ST3GAL5: variants seen among roughly 807,000 people sequenced by gnomAD.
ST3GAL5 encodes ST3 beta-galactoside alpha-2,3-sialyltransferase 5, also known as lactosylceramide alpha-2,3-sialyltransferase.
A neutral mutation model predicts 46.1 loss-of-function variants in ST3GAL5; 25 were observed. The ratio of observed to expected loss-of-function variants is 0.54; its 90% CI spans 0.40 to 0.76. The LOEUF (loss-of-function observed/expected upper bound fraction) is 0.76, where lower values mean the gene tolerates loss of function less well. Ranked by LOEUF, ST3GAL5 falls within the 30% of genes least tolerant of loss-of-function variation. The pLI, the probability that ST3GAL5 is intolerant of heterozygous loss-of-function variation, is 0.00. For missense variants in ST3GAL5, 431 were observed against 521.2 expected (o/e 0.83, Z 1.69); for synonymous variants, 182 against 192.7 (o/e 0.94, Z 0.46).
At chr2:85,870,190 TC>T in intron 1 of ST3GAL5, 1 of 470,632 alleles carries the variant, frequency 2.1e-6, no homozygotes, top group Non-Finnish European at 4.4e-6. Flanking sequence ...TTGTCTTGTC[TC>T]CCCCACTAGA....
intron 5 of ST3GAL5, chr2:85,844,830 T>G (rs1353479725): frequency 2.0e-6 from 1 of 493,454 alleles, no homozygotes; most frequent in African/African-American, 1.9e-5. Context: ...TCCTCAATGG[T>G]GCTAACACCA....
intron 1 of ST3GAL5, chr2:85,867,551 G>C: frequency 1.3e-6 from 1 of 780,304 alleles, no homozygotes; most frequent in Non-Finnish European, 2.4e-6. Flanking sequence ...CAAAGGCCAA[G>C]GAAGAGGCTG....
rs58305489 is a variant in ST3GAL5 at position 85,840,482 on chromosome 2, T to C, written c.1009-90A>G. 1,083 of 1,429,404 alleles carry C rather than the reference T, an allele frequency of 7.6e-4. 2 individuals are homozygous for C. The African/African-American group carries it at 0.012, about 16-fold the overall frequency. 88.5% of individuals were successfully genotyped at this position (1,429,404 alleles called of 1,614,324 possible). Reference sequence around the variant, plus strand: ...GTATTACACATGCTACGCAGAGTCATGAAAGCTACATTGGGGGCTGCAATT... The same window carrying C: ...GTATTACACATGCTACGCAGAGTCACGAAAGCTACATTGGGGGCTGCAATT... On this transcript the variant is annotated intron_variant, in intron 6 of 6. Transcript: ENST00000638572.
chr2:85,846,208 A>G, intron 5 of ST3GAL5, 169 bp downstream of exon 5: 4 of 679,424 alleles, frequency 5.9e-6, no homozygotes, highest in Non-Finnish European at 1.0e-5. Flanking sequence ...CATCCCCAAA[A>G]AAAAGAATTG....
intron 3 of ST3GAL5, among the ~76,000 whole-genome samples, chr2:85,859,574 C>G (rs1684507608): frequency 6.6e-6 from 1 of 152,158 alleles, no homozygotes; most frequent in African/African-American, 2.4e-5. Flanking sequence ...GACACCTATG[C>G]TGGGAAGGCT....
intron 4 of ST3GAL5, 192 bp downstream of exon 4, chr2:85,847,669 C>A: frequency 2.3e-6 from 3 of 1,315,394 alleles, no homozygotes; most frequent in Non-Finnish European, 3.0e-6. Context: ...GTGGTGTGTG[C>A]CTGGGGTCCC....
intron 3 of ST3GAL5, chr2:85,851,796 A>T (rs901046295): frequency 3.6e-6 from 4 of 1,096,904 alleles, no homozygotes; most frequent in Non-Finnish European, 4.9e-6. Context: ...CCTGGGTGGC[A>T]TTCATCCAGA....
chr2:85,880,936 G>A, intron 1 of ST3GAL5: 1 of 518,004 alleles, frequency 1.9e-6, no homozygotes, highest in Non-Finnish European at 3.8e-6. Flanking sequence ...TTTCAGATTT[G>A]GGGTGTATGT....
chr2:85,884,968 T>G (rs1212858550), intron 1 of ST3GAL5, among the ~76,000 whole-genome samples: 1 of 152,218 alleles, frequency 6.6e-6, no homozygotes, highest in Admixed American at 6.5e-5. Context: ...TTAACTGTTA[T>G]AATCCCAGAT....
chr2:85,856,470 T>C (rs571837061), intron 3 of ST3GAL5: 1 of 152,332 alleles, frequency 6.6e-6, no homozygotes, highest in Non-Finnish European at 1.5e-5. Context: ...GAGTTTCTTT[T>C]TGGGATACTA....
At chr2:85,844,772 C>G (rs1480991751) in intron 5 of ST3GAL5, 7 of 608,818 alleles carry the variant, frequency 1.1e-5, no homozygotes, top group African/African-American at 1.8e-5. Flanking sequence ...CGGCACTGGA[C>G]AAAGAGATGA....
intron 3 of ST3GAL5, among the ~76,000 whole-genome samples, chr2:85,852,606 G>A (rs978975976): frequency 3.9e-5 from 6 of 152,116 alleles, no homozygotes; most frequent in African/African-American, 1.4e-4. Context: ...GAGGGGCTCC[G>A]GGGAACTCGC....
chr2:85,864,808 C>T lies in ST3GAL5; in HGVS notation c.83-1323G>A, dbSNP rs116657469. Among the ~76,000 whole-genome samples, 1,298 of 152,248 alleles carry T rather than the reference C, an allele frequency of 8.5e-3. 8 individuals are homozygous for T. The highest frequency in any genetic ancestry group is 0.014 in the Non-Finnish European group (943 of 68,002). On this transcript the variant is annotated intron_variant, in intron 1 of 6. Coordinates refer to ENST00000638572, the MANE Select transcript of ST3GAL5 (RefSeq NM_003896.4). ...TCTGGATTTTTAGTGGGGCATAGTA[C>T]CTCCCAGAATGAAGACTACATTTCC...
intron 5 of ST3GAL5, 90 bp from the exon 6 acceptor site, chr2:85,844,644 C>T: frequency 6.4e-7 from 1 of 1,555,970 alleles, no homozygotes; most frequent in East Asian, 2.3e-5. Context: ...GTGGGTGTGA[C>T]CCCATGTGGC....
chr2:85,871,598 C>A (rs1021210510), intron 1 of ST3GAL5, among the ~76,000 whole-genome samples: 6 of 152,108 alleles, frequency 3.9e-5, no homozygotes, highest in Non-Finnish European at 8.8e-5. Flanking sequence ...GAGGGATAAG[C>A]CGACATATGA....
At chr2:85,854,727 T>C (rs961791840) in intron 3 of ST3GAL5, 1 of 152,218 alleles carries the variant, frequency 6.6e-6, no homozygotes, top group African/African-American at 2.4e-5. Flanking sequence ...TGTAAGTGCA[T>C]ATTAAGTAAT....
At chr2:85,883,279 A>C (rs528968427) in intron 1 of ST3GAL5, among the ~76,000 whole-genome samples, 76 of 152,264 alleles carry the variant, frequency 5.0e-4, no homozygotes, top group East Asian at 5.8e-4. Context: ...CATGATAGTG[A>C]ATAAGTCTCA....
intron 2 of ST3GAL5, 23 bp downstream of exon 2, chr2:85,863,339 A>C: frequency 6.2e-7 from 1 of 1,613,710 alleles, no homozygotes; most frequent in Non-Finnish European, 8.5e-7. Context: ...AGGGGGATCT[A>C]CAGTCCCAGG....
At chr2:85,870,673 G>A (rs865897962) in intron 1 of ST3GAL5, among the ~76,000 whole-genome samples, 2 of 151,148 alleles carry the variant, frequency 1.3e-5, no homozygotes, top group Non-Finnish European at 2.9e-5. Context: ...ATAAATAATC[G>A]TACACTTTTT....
Sources: gnomAD v4.1 joint callset for allele counts (sites outside exome capture counted in the v4.1 genomes callset) on GRCh38, gnomAD v4.1.1 for gene constraint, MANE v1.5 for transcripts, NCBI Gene and HGNC (gene_info 2026-07-23, HGNC 2026-07-21) for gene names.